The following ARPP21 variants were observed in gnomAD, a reference collection of about 807,000 sequenced individuals.
The protein encoded by ARPP21 is cAMP regulated phosphoprotein 21.
In ARPP21, 69 loss-of-function variants were observed where a neutral mutation model predicts 113.2. The observed-to-expected ratio is 0.61, with a 90% CI of 0.50 to 0.74. The LOEUF (loss-of-function observed/expected upper bound fraction) is 0.74. Ranked by LOEUF, ARPP21 falls within the 30% of genes least tolerant of loss-of-function variation. The pLI, the probability that ARPP21 is intolerant of heterozygous loss-of-function variation, is 0.00. For synonymous variants in ARPP21, 368 were observed against 375.5 expected (o/e 0.98, Z 0.23); for missense variants, 1,070 against 1,037.4 (o/e 1.03, Z -0.43).
At chr3:35,657,886 G>A (rs1021261784) in intron 1 of ARPP21, among the ~76,000 whole-genome samples, 4 of 152,070 alleles carry the variant, frequency 2.6e-5, no homozygotes, top group Non-Finnish European at 4.4e-5. Context: ...ACCAGTGGTC[G>A]TGCATCCACT....
intron 15 of ARPP21, among the ~76,000 whole-genome samples, chr3:35,735,105 A>G (rs559290182): frequency 6.6e-6 from 1 of 151,902 alleles, no homozygotes; most frequent in South Asian, 2.1e-4. Flanking sequence ...TAAATTCTTT[A>G]CCTGTCTGTC....
intron 9 of ARPP21, among the ~76,000 whole-genome samples, chr3:35,692,682 T>G (rs1190144704): frequency 1.3e-5 from 2 of 151,672 alleles, no homozygotes; most frequent in Non-Finnish European, 3.0e-5. Context: ...TTGAGAAAAT[T>G]AAGCATTATA....
At chr3:35,652,296 A>G (rs1169138919) in intron 1 of ARPP21, among the ~76,000 whole-genome samples, 1 of 152,096 alleles carries the variant, frequency 6.6e-6, no homozygotes, top group Non-Finnish European at 1.5e-5. Context: ...ATGATTTCAA[A>G]TAAAATTACA....
At chr3:35,698,544 C>T (rs1347631050) in intron 9 of ARPP21, among the ~76,000 whole-genome samples, 2 of 151,384 alleles carry the variant, frequency 1.3e-5, no homozygotes, top group Non-Finnish European at 3.0e-5. Context: ...TAAAGCTAAG[C>T]CATTTTAAAG....
chr3:35,691,447 C>T (rs563959039), intron 9 of ARPP21, among the ~76,000 whole-genome samples: 7 of 151,634 alleles, frequency 4.6e-5, no homozygotes, highest in African/African-American at 4.8e-5. Context: ...TAAAAAGCTC[C>T]GAACCTAGAG....
rs267599775 is a variant in ARPP21 at position 35,729,377 on chromosome 3, C to G, written c.1300C>G (p.Leu434Val). The change falls in exon 15 of 21, where the codon CTA (leucine) becomes GTA (valine). Residue 434 changes from leucine to valine, a missense_variant. Leu to Val is a conservative substitution (Grantham distance 32). Coordinates refer to ENST00000684406, the MANE Select transcript of ARPP21 (RefSeq NM_001385562.1). ...RTHPPLQSTP[L>V]VSGVAAGSPG... ...CCATCCACCTCTCCAGAGCACACCC[C>G]TAGTCTCAGGTGTGGCAGCTGGCTC... The G allele has an allele frequency of 3.1e-6, 5 of 1,614,094 alleles. No homozygotes were observed. The African/African-American group carries it at 4.0e-5, about 13-fold the overall frequency.
intron 9 of ARPP21, among the ~76,000 whole-genome samples, chr3:35,698,320 A>G (rs921307841): frequency 1.3e-5 from 2 of 151,628 alleles, no homozygotes; most frequent in African/African-American, 2.4e-5. Flanking sequence ...AAGAAGGAAC[A>G]TAAGTTTGTC....
Position 35,694,756 on chromosome 3 carries a change from T to A in ARPP21, c.686+3751T>A, listed in dbSNP as rs967724341. 2.3e-4 allele frequency among the ~76,000 whole-genome samples: 34 copies of A among 151,096 alleles called. 1 individual carries two copies. Among genetic ancestry groups the A allele is most frequent in the Admixed American group, 1.9e-3 (29 of 15,068 alleles). ...TTTGTTGTCTGATAAAAAACAGTGATTGATGGACAAGATATTTTTGAAGAT... is the reference window on the plus strand; with the variant it reads ...TTTGTTGTCTGATAAAAAACAGTGAATGATGGACAAGATATTTTTGAAGAT... On this transcript the variant is annotated intron_variant, in intron 9 of 20. Transcript: ENST00000684406.
At chr3:35,792,278 A>T in intron 19 of ARPP21, 104 bp from the exon 20 acceptor site, 1 of 894,932 alleles carries the variant, frequency 1.1e-6, no homozygotes, top group Non-Finnish European at 1.8e-6. Flanking sequence ...GAATGTGGAG[A>T]CTGAGATGTC....
intron 19 of ARPP21, among the ~76,000 whole-genome samples, chr3:35,764,812 T>C (rs2095901475): frequency 6.6e-6 from 1 of 152,160 alleles, no homozygotes; most frequent in Non-Finnish European, 1.5e-5. Flanking sequence ...TAAAAAATTA[T>C]AGTTCTGCCA....
At chr3:35,758,512 G>A (rs1333709111) in intron 19 of ARPP21, among the ~76,000 whole-genome samples, 1 of 151,752 alleles carries the variant, frequency 6.6e-6, no homozygotes, top group Admixed American at 6.6e-5. Flanking sequence ...TTGAGTTGGA[G>A]TCTACCTCAA....
chr3:35,707,642 A>G (rs1481166458), intron 10 of ARPP21: 3 of 423,556 alleles, frequency 7.1e-6, no homozygotes, highest in African/African-American at 2.0e-5. Flanking sequence ...CCCATGTTTT[A>G]TGGTCCATGT....
chr3:35,724,844 A>G (rs1197271809), intron 14 of ARPP21, among the ~76,000 whole-genome samples: 1 of 151,928 alleles, frequency 6.6e-6, no homozygotes, highest in African/African-American at 2.4e-5. Flanking sequence ...CCTTCTTGTA[A>G]TTTTGGAAGC....
chr3:35,769,947 G>A (rs376499226), intron 19 of ARPP21, among the ~76,000 whole-genome samples: 1 of 152,188 alleles, frequency 6.6e-6, no homozygotes, highest in Admixed American at 6.5e-5. Flanking sequence ...TACAACTCTT[G>A]TGGGAGTGTG....
chr3:35,765,465 G>A (rs1032073162), intron 19 of ARPP21, among the ~76,000 whole-genome samples: 4 of 152,118 alleles, frequency 2.6e-5, no homozygotes, highest in Admixed American at 1.3e-4. Flanking sequence ...GAGTCCTTCA[G>A]TTTATTGCAT....
intron 1 of ARPP21, among the ~76,000 whole-genome samples, chr3:35,666,630 C>T (rs1280687610): frequency 7.1e-6 from 1 of 140,506 alleles, no homozygotes; most frequent in Admixed American, 6.8e-5. Flanking sequence ...TTTTATTGCA[C>T]ATTTTATTAA....
At chr3:35,776,551 C>G (rs2096374016) in intron 19 of ARPP21, among the ~76,000 whole-genome samples, 1 of 152,054 alleles carries the variant, frequency 6.6e-6, no homozygotes, top group Non-Finnish European at 1.5e-5. Context: ...ACTCAGCACC[C>G]TTTTGCCCTA....
At chr3:35,722,977 T>C (rs1015407540) in intron 14 of ARPP21, among the ~76,000 whole-genome samples, 1 of 152,188 alleles carries the variant, frequency 6.6e-6, no homozygotes, top group Non-Finnish European at 1.5e-5. Flanking sequence ...TTTGCTTTGT[T>C]TTGGTTCTGC....
chr3:35,716,712 C>T (rs1233021632), intron 12 of ARPP21, among the ~76,000 whole-genome samples: 1 of 151,956 alleles, frequency 6.6e-6, no homozygotes, highest in African/African-American at 2.4e-5. Flanking sequence ...CTTATTCTCT[C>T]GTCTTCTAGC....
Sources: gnomAD v4.1 joint callset for allele counts (sites outside exome capture counted in the v4.1 genomes callset) on GRCh38, gnomAD v4.1.1 for gene constraint, MANE v1.5 for transcripts, NCBI Gene and HGNC (gene_info 2026-07-23, HGNC 2026-07-21) for gene names.